The following XPR1 variants were observed in gnomAD, a reference collection of about 807,000 sequenced individuals.
XPR1 encodes solute carrier family 53 member 1.
XPR1 carries 28 observed loss-of-function variants against 87.5 expected under a neutral mutation model. The observed-to-expected ratio is 0.32, with a 90% CI of 0.24 to 0.44. The LOEUF (loss-of-function observed/expected upper bound fraction) is 0.44, where lower values mean the gene tolerates loss of function less well. Ranked by LOEUF, XPR1 falls within the 20% of genes least tolerant of loss-of-function variation. The pLI is 1.00. For synonymous variants in XPR1, 300 were observed against 306.1 expected (o/e 0.98, Z 0.21); for missense variants, 559 against 862.3 (o/e 0.65, Z 4.41).
intron 11 of XPR1, among the ~76,000 whole-genome samples, chr1:180,860,572 T>A (rs1317981007): frequency 6.6e-6 from 1 of 152,138 alleles, no homozygotes; most frequent in Admixed American, 6.6e-5. Flanking sequence ...ATCTTTAATA[T>A]ATTATGTTAA....
At chr1:180,724,754 C>A (rs1658280533) in intron 2 of XPR1, among the ~76,000 whole-genome samples, 1 of 152,040 alleles carries the variant, frequency 6.6e-6, no homozygotes, top group Non-Finnish European at 1.5e-5. Flanking sequence ...AAGAAAGATG[C>A]CTTCAGTCAA....
chr1:180,888,157 C>T lies in XPR1; in HGVS notation c.*4091C>T, dbSNP rs10157839. On this transcript the variant is annotated 3_prime_UTR_variant, in exon 15 of 15. Transcript: ENST00000367590. ...GAAAGACCTGCCTTTATTTTCCTAT[C>T]ATCTTTTCCCCATTACTTTGCATTA... 260 of 152,254 alleles carry T rather than the reference C, an allele frequency of 1.7e-3. 1 individual carries two copies. The highest frequency in any genetic ancestry group is 6.1e-3 in the African/African-American group (254 of 41,550). 9.4% of individuals were successfully genotyped at this position (152,254 alleles called of 1,614,324 possible). A position where few individuals can be genotyped will look rare whatever the true frequency, so the allele number is the denominator to read the frequency against.
At chr1:180,633,050 T>C (rs957441033) in intron 1 of XPR1, among the ~76,000 whole-genome samples, 13 of 152,246 alleles carry the variant, frequency 8.5e-5, no homozygotes, top group Non-Finnish European at 1.5e-4. Flanking sequence ...AAGTTTTTGC[T>C]AGCTGGGGAG....
intron 2 of XPR1, among the ~76,000 whole-genome samples, chr1:180,727,805 C>CT (rs1488277399): frequency 6.6e-6 from 1 of 152,218 alleles, no homozygotes; most frequent in East Asian, 1.9e-4. Flanking sequence ...CATGCCTCCT[C>CT]TTTTTTAGAC....
intron 14 of XPR1, 149 bp downstream of exon 14, chr1:180,880,446 A>G (rs1214462186): frequency 1.7e-5 from 13 of 768,498 alleles, no homozygotes; most frequent in Non-Finnish European, 2.8e-5. Context: ...ATAAGCAGCA[A>G]TTCCATATGA....
chr1:180,671,283 A>G (rs1656160185), intron 1 of XPR1, among the ~76,000 whole-genome samples: 1 of 152,130 alleles, frequency 6.6e-6, no homozygotes, highest in Admixed American at 6.6e-5. Context: ...AGCATTTTGT[A>G]AGATCTGTCA....
intron 13 of XPR1, among the ~76,000 whole-genome samples, chr1:180,875,903 T>TC (rs1652646048): frequency 6.6e-6 from 1 of 152,148 alleles, no homozygotes; most frequent in South Asian, 2.1e-4. Context: ...AGTAAGACTA[T>TC]CTTATGAGCA....
At chr1:180,726,247 C>CA (rs1173230077) in intron 2 of XPR1, among the ~76,000 whole-genome samples, 4 of 152,154 alleles carry the variant, frequency 2.6e-5, no homozygotes, top group African/African-American at 9.7e-5. Context: ...TAAAATGGAC[C>CA]AATCATCAGG....
intron 6 of XPR1, among the ~76,000 whole-genome samples, chr1:180,810,178 A>G (rs1379111193): frequency 6.6e-6 from 1 of 152,160 alleles, no homozygotes; most frequent in Non-Finnish European, 1.5e-5. Flanking sequence ...CTTTCTAAAT[A>G]TAAAATTAAA....
At chr1:180,773,940 T>C (rs911095301) in intron 2 of XPR1, among the ~76,000 whole-genome samples, 3 of 152,238 alleles carry the variant, frequency 2.0e-5, no homozygotes, top group African/African-American at 7.2e-5. Flanking sequence ...TATTTAAATA[T>C]ATAATCACTA....
intron 2 of XPR1, among the ~76,000 whole-genome samples, chr1:180,725,568 A>G (rs1658310570): frequency 6.6e-6 from 1 of 152,206 alleles, no homozygotes; most frequent in Non-Finnish European, 1.5e-5. Flanking sequence ...CAGCTGAATT[A>G]TAAGCTAATT....
intron 7 of XPR1, among the ~76,000 whole-genome samples, chr1:180,813,466 T>C (rs1275542401): frequency 2.6e-5 from 4 of 152,176 alleles, no homozygotes; most frequent in Admixed American, 2.6e-4. Context: ...CATTATATAT[T>C]ATATATTTAT....
At chr1:180,666,649 T>C (rs751571984) in intron 1 of XPR1, among the ~76,000 whole-genome samples, 3 of 152,252 alleles carry the variant, frequency 2.0e-5, no homozygotes. Flanking sequence ...GATTTTTGCA[T>C]GTTGACTTCA....
intron 6 of XPR1, among the ~76,000 whole-genome samples, chr1:180,810,307 ACTGTGGCTTACAC>A (rs1488277352): frequency 6.6e-6 from 1 of 152,194 alleles, no homozygotes; most frequent in Non-Finnish European, 1.5e-5. Flanking sequence ...TGGGCTGCAC[ACTGTGGCTTACAC>A]CTGTAATCCC....
At chr1:180,856,804 G>A (rs201839140) in intron 11 of XPR1, among the ~76,000 whole-genome samples, 1 of 152,072 alleles carries the variant, frequency 6.6e-6, no homozygotes, top group Admixed American at 6.5e-5. Context: ...CTGGGCTGTT[G>A]CCACAGCCAT....
At chr1:180,644,455 CTT>C (rs1159113794) in intron 1 of XPR1, among the ~76,000 whole-genome samples, 5 of 138,732 alleles carry the variant, frequency 3.6e-5, no homozygotes, top group Non-Finnish European at 6.3e-5. Context: ...TGGTCTGTGA[CTT>C]TTTTTTTTAA....
intron 1 of XPR1, among the ~76,000 whole-genome samples, chr1:180,635,305 A>C (rs1462343454): frequency 6.6e-6 from 1 of 152,226 alleles, no homozygotes; most frequent in Non-Finnish European, 1.5e-5. Flanking sequence ...GTAAAATAGA[A>C]CACCGGTAAA....
chr1:180,846,091 C>T (rs1275995212), intron 11 of XPR1, among the ~76,000 whole-genome samples: 2 of 152,034 alleles, frequency 1.3e-5, no homozygotes, highest in Non-Finnish European at 2.9e-5. Flanking sequence ...AAAACCCTGT[C>T]TCTACTAAAA....
intron 6 of XPR1, among the ~76,000 whole-genome samples, chr1:180,809,342 T>C (rs1037840197): frequency 5.9e-5 from 9 of 152,210 alleles, no homozygotes; most frequent in African/African-American, 1.9e-4. Context: ...GTCTTGATTA[T>C]GCTGATGGTT....
Sources: allele counts gnomAD v4.1 joint callset (sites outside exome capture counted in the v4.1 genomes callset), GRCh38; gene constraint gnomAD v4.1.1; transcripts MANE v1.5; gene names NCBI Gene and HGNC (gene_info 2026-07-23, HGNC 2026-07-21).